Variants in EPHB2 observed in about 807,000 individuals in gnomAD.
EPHB2 encodes ephrin type-B receptor 2.
EPHB2 carries 18 observed loss-of-function variants against 96.4 expected under a neutral mutation model. The ratio of observed to expected loss-of-function variants is 0.19; its 90% CI spans 0.13 to 0.28. The LOEUF is 0.28. Ranked by LOEUF, EPHB2 falls within the 10% of genes least tolerant of loss-of-function variation. The pLI is 1.00. For synonymous variants in EPHB2, 506 were observed against 534.1 expected, an observed-to-expected ratio of 0.95 and a Z score of 0.72; for missense variants, 989 against 1,355.4, an observed-to-expected ratio of 0.73 and a Z score of 4.25.
chr1:22,904,811 C>T (rs1022049806), intron 9 of EPHB2, among the ~76,000 whole-genome samples: 1 of 152,194 alleles, frequency 6.6e-6, no homozygotes, highest in Non-Finnish European at 1.5e-5. Context: ...TGCCTAGATT[C>T]CTGGAATGTC....
intron 1 of EPHB2, among the ~76,000 whole-genome samples, chr1:22,747,340 G>T (rs1227365329): frequency 1.3e-5 from 2 of 152,204 alleles, no homozygotes; most frequent in Admixed American, 1.3e-4. Flanking sequence ...GTGCTTTTAC[G>T]GAGTTATATT....
intron 15 of EPHB2, 180 bp downstream of exon 15, chr1:22,912,779 A>G: frequency 1.2e-6 from 1 of 813,576 alleles, no homozygotes; most frequent in Non-Finnish European, 2.0e-6. Context: ...TCTGCCTGCC[A>G]CCTACAAGCT....
chr1:22,716,350 G>A (rs1392628074), intron 1 of EPHB2, among the ~76,000 whole-genome samples: 4 of 149,482 alleles, frequency 2.7e-5, no homozygotes, highest in East Asian at 1.9e-4. Flanking sequence ...TTTTTTTTTC[G>A]AGATGGAGTC....
At chr1:22,863,229 G>C in intron 4 of EPHB2, 37 bp downstream of exon 4, 1 of 1,613,682 alleles carries the variant, frequency 6.2e-7, no homozygotes, top group Non-Finnish European at 8.5e-7. Flanking sequence ...ATGGCTGGCC[G>C]AGTCCCAGGT....
At position 22,919,251 on chromosome 1, in the gene EPHB2, A is replaced by G. The variant is rs1194600610; in HGVS notation, c.*5681A>G. On this transcript the variant is annotated 3_prime_UTR_variant, in exon 16 of 16. Coordinates refer to ENST00000374630, the MANE Select transcript of EPHB2 (RefSeq NM_017449.5). ...TTAAGAAAAAGCAGGACATTTTCAG[A>G]TAGGATGCCCAAACCCAGACGCAGA... 6.6e-6 allele frequency: 1 copy of G among 152,308 alleles called. No homozygotes were observed. Among genetic ancestry groups the G allele is most frequent in the Non-Finnish European group, 1.5e-5 (1 of 68,120 alleles). The allele number at this position is 152,308 out of a possible 1,614,324, so 9.4% of individuals were successfully genotyped here.
At chr1:22,820,144 C>A (rs1263836150) in intron 3 of EPHB2, among the ~76,000 whole-genome samples, 2 of 152,162 alleles carry the variant, frequency 1.3e-5, no homozygotes, top group African/African-American at 2.4e-5. Context: ...GTGGTGAGAC[C>A]TAGCTAAGAT....
intron 5 of EPHB2, among the ~76,000 whole-genome samples, chr1:22,866,047 G>A (rs1638463845): frequency 2.0e-5 from 3 of 151,992 alleles, no homozygotes; most frequent in Admixed American, 2.0e-4. Context: ...TCTCTACCAG[G>A]ACCACTGTCC....
chr1:22,766,799 A>G (rs1644313769), intron 1 of EPHB2, among the ~76,000 whole-genome samples: 1 of 152,224 alleles, frequency 6.6e-6, no homozygotes, highest in Non-Finnish European at 1.5e-5. Flanking sequence ...GCCTGCTCCC[A>G]GCATCAGTAG....
chr1:22,840,221 AAAGC>A, intron 3 of EPHB2, among the ~76,000 whole-genome samples: 1 of 152,348 alleles, frequency 6.6e-6, no homozygotes, highest in Non-Finnish European at 1.5e-5. Context: ...TGATGTCACT[AAAGC>A]CTCTAGCGTG....
intron 4 of EPHB2, among the ~76,000 whole-genome samples, chr1:22,864,127 C>A (rs1277813543): frequency 6.7e-6 from 1 of 149,438 alleles, no homozygotes; most frequent in African/African-American, 2.5e-5. Flanking sequence ...CTCATGGCAA[C>A]TTCCACCTCC....
chr1:22,862,586 T>G (rs1299594677), intron 3 of EPHB2, among the ~76,000 whole-genome samples: 1 of 152,130 alleles, frequency 6.6e-6, no homozygotes, highest in Non-Finnish European at 1.5e-5. Flanking sequence ...CCACATCACC[T>G]CTCTACACTG....
chr1:22,889,290 C>G (rs76354325), intron 6 of EPHB2, among the ~76,000 whole-genome samples: 2,492 of 152,318 alleles, frequency 0.016, 64 homozygotes, highest in African/African-American at 0.056. Flanking sequence ...GCAGCCGCCT[C>G]TCATCTCCCT....
intron 3 of EPHB2, among the ~76,000 whole-genome samples, chr1:22,831,591 A>C (rs1025876369): frequency 3.9e-5 from 6 of 151,960 alleles, no homozygotes; most frequent in African/African-American, 1.5e-4. Flanking sequence ...GCCTAAGGTC[A>C]AGCAGAGCAG....
In EPHB2 at chr1:22,733,695, G is replaced by A. The variant is rs185267900; in HGVS notation, c.61+22652G>A. ...CAAGGCCACATAGCCAGTAAGGGGC[G>A]GAAATGGGATTTGAACCCGCGATTC... On this transcript the variant is annotated intron_variant, in intron 1 of 15. Transcript: ENST00000374630. This position sits in a 1 kb window ranked among gnomAD's most constrained non-coding sequence, Gnocchi z 4.6. Among the ~76,000 whole-genome samples the A allele has an allele frequency of 1.3e-5, 2 of 152,332 alleles. No individual in the cohort carries two copies. The highest frequency in any genetic ancestry group is 1.5e-5 in the Non-Finnish European group (1 of 68,038).
chr1:22,781,429 A>G lies in EPHB2; in HGVS notation c.70A>G (p.Met24Val), dbSNP rs1188180163. ...CTTTGCTCTCCCCACAGAAACGCTAATGGACTCCACTACAGCGACTGCTGA... is the reference window on the plus strand; with the variant it reads ...CTTTGCTCTCCCCACAGAAACGCTAGTGGACTCCACTACAGCGACTGCTGA... ...PLLAAVEETL[M>V]DSTTATAELG... is the part of the protein sequence containing the mutation. Residue 24 changes from methionine (M) to valine (V), a missense_variant, in exon 2 of 16, where the codon ATG (methionine) becomes GTG (valine). Physicochemically the swap from Met to Val is conservative, Grantham distance 21. Transcript: ENST00000374630. 6.2e-7 allele frequency: 1 copy of G among 1,613,960 alleles called. No homozygotes were observed. Among genetic ancestry groups the G allele is most frequent in the South Asian group, 1.1e-5 (1 of 91,068 alleles).
chr1:22,853,612 A>G (rs556821835), intron 3 of EPHB2, among the ~76,000 whole-genome samples: 2 of 152,328 alleles, frequency 1.3e-5, no homozygotes, highest in East Asian at 3.9e-4. Flanking sequence ...GACAAGAAGG[A>G]GCTGGGTGGG....
intron 6 of EPHB2, among the ~76,000 whole-genome samples, chr1:22,883,661 G>C (rs1363415923): frequency 6.6e-6 from 1 of 152,160 alleles, no homozygotes; most frequent in Non-Finnish European, 1.5e-5. Context: ...CAACTTTCTA[G>C]AGCCCAGCCC....
At chr1:22,776,476 A>T (rs1332416179) in intron 1 of EPHB2, among the ~76,000 whole-genome samples, 1 of 152,210 alleles carries the variant, frequency 6.6e-6, no homozygotes, top group African/African-American at 2.4e-5. Context: ...CCTGCAGGAG[A>T]GATTGTCACC....
intron 3 of EPHB2, among the ~76,000 whole-genome samples, chr1:22,786,146 C>T (rs373186756): frequency 6.6e-6 from 1 of 152,206 alleles, no homozygotes; most frequent in East Asian, 1.9e-4. Flanking sequence ...TTAAATCACC[C>T]CTTCCACTCA....
Sources: gnomAD v4.1 joint callset for allele counts (sites outside exome capture counted in the v4.1 genomes callset) on GRCh38, gnomAD v4.1.1 for gene constraint, Gnocchi (gnomAD v3.1) non-coding constraint, MANE v1.5 for transcripts, NCBI Gene and HGNC (gene_info 2026-07-23, HGNC 2026-07-21) for gene names.